The following MAP7 variants were observed in gnomAD, a reference collection of about 807,000 sequenced individuals.
MAP7 encodes the protein ensconsin.
In MAP7, 52 loss-of-function variants were observed where a neutral mutation model predicts 94.8. That is an observed-to-expected ratio of 0.55 (90% CI 0.44 to 0.69). MAP7 has a LOEUF of 0.69. Among genes scored for constraint, MAP7 ranks in the 30% least tolerant of loss-of-function variants. The probability of loss-of-function intolerance (pLI) is 0.00; values close to 1 mark genes in which losing one functional copy is unlikely to be tolerated. For missense variants in MAP7, 940 were observed against 964.6 expected, an observed-to-expected ratio of 0.97 and a Z score of 0.34; for synonymous variants, 350 against 357.0, an observed-to-expected ratio of 0.98 and a Z score of 0.22.
chr6:136,415,506 A>G (rs1789087329), intron 2 of MAP7, among the ~76,000 whole-genome samples: 1 of 152,046 alleles, frequency 6.6e-6, no homozygotes, highest in African/African-American at 2.4e-5. Flanking sequence ...ACCCACACCA[A>G]CCCTGACAGC....
At chr6:136,374,434 C>T (rs1562326796) in intron 7 of MAP7, among the ~76,000 whole-genome samples, 3 of 152,154 alleles carry the variant, frequency 2.0e-5, no homozygotes, top group Non-Finnish European at 4.4e-5. Flanking sequence ...GATTAATAAC[C>T]GGGGGCAGAG....
At chr6:136,455,904 T>A (rs575559621) in intron 1 of MAP7, among the ~76,000 whole-genome samples, 1 of 152,276 alleles carries the variant, frequency 6.6e-6, no homozygotes, top group South Asian at 2.1e-4. Flanking sequence ...TCTAACTCAG[T>A]AGGGATATGA....
At chr6:136,414,451 C>A (rs1427594283) in intron 2 of MAP7, among the ~76,000 whole-genome samples, 2 of 151,654 alleles carry the variant, frequency 1.3e-5, no homozygotes, top group African/African-American at 2.4e-5. Context: ...CCCTCTCAGG[C>A]AATTTATTAA....
chr6:136,482,630 G>C (rs1325884076), intron 1 of MAP7, among the ~76,000 whole-genome samples: 1 of 151,634 alleles, frequency 6.6e-6, no homozygotes, highest in Non-Finnish European at 1.5e-5. Flanking sequence ...GCATGCATAT[G>C]TTCATCACAG....
chr6:136,497,072 T>C (rs924229529), intron 1 of MAP7, among the ~76,000 whole-genome samples: 4 of 152,052 alleles, frequency 2.6e-5, no homozygotes, highest in Admixed American at 2.6e-4. Context: ...AGTTTCAACC[T>C]GAGCTGCCAG....
At chr6:136,549,743 G>A (rs552215235) in intron 1 of MAP7, among the ~76,000 whole-genome samples, 12 of 152,308 alleles carry the variant, frequency 7.9e-5, no homozygotes, top group African/African-American at 2.9e-4. Context: ...AACCCCCACC[G>A]TGCTGCACTG....
intron 1 of MAP7, among the ~76,000 whole-genome samples, chr6:136,523,719 A>G (rs1583139678): frequency 6.6e-6 from 1 of 152,114 alleles, no homozygotes; most frequent in African/African-American, 2.4e-5. Flanking sequence ...TCCAATACCT[A>G]CCCTTGCCCT....
In MAP7 at chr6:136,474,205, T is replaced by C. The variant is rs184908059; in HGVS notation, c.68-52406A>G. Among the ~76,000 whole-genome samples the C allele has an allele frequency of 4.0e-3, 606 of 152,304 alleles. 4 individuals carry two copies. Among genetic ancestry groups the C allele is most frequent in the African/African-American group, 0.014 (583 of 41,572 alleles). On this transcript the variant is annotated intron_variant, in intron 1 of 17. Coordinates refer to ENST00000354570, the MANE Select transcript of MAP7 (RefSeq NM_003980.6). Reference sequence around the variant, plus strand: ...GTGAGAAAGAACAAATGCAGGGAATTGTAGTTCATATTAAAAATTTTATAT... The same window carrying C: ...GTGAGAAAGAACAAATGCAGGGAATCGTAGTTCATATTAAAAATTTTATAT...
intron 1 of MAP7, among the ~76,000 whole-genome samples, chr6:136,424,343 A>G (rs1792473041): frequency 7.0e-6 from 1 of 142,084 alleles, no homozygotes. Context: ...AAAAAAAAAA[A>G]GAAAATTAAG....
chr6:136,408,194 T>C (rs1474763863), intron 3 of MAP7, among the ~76,000 whole-genome samples: 1 of 152,080 alleles, frequency 6.6e-6, no homozygotes, highest in Non-Finnish European at 1.5e-5. Flanking sequence ...TCAGATGGAA[T>C]AGGGTGGTTA....
chr6:136,469,979 T>A (rs946044909), intron 1 of MAP7, among the ~76,000 whole-genome samples: 4 of 152,208 alleles, frequency 2.6e-5, no homozygotes, highest in African/African-American at 9.6e-5. Context: ...GTTCACTGCC[T>A]ACCTGCTTTC....
intron 16 of MAP7, among the ~76,000 whole-genome samples, chr6:136,349,722 T>G (rs919322799): frequency 1.3e-5 from 2 of 152,156 alleles, no homozygotes; most frequent in Non-Finnish European, 2.9e-5. Flanking sequence ...TTGTGATAAC[T>G]CAAACCCTCT....
intron 4 of MAP7, 113 bp downstream of exon 4, chr6:136,389,241 A>G: frequency 1.4e-6 from 2 of 1,439,058 alleles, no homozygotes; most frequent in Non-Finnish European, 1.8e-6. Flanking sequence ...AAAGCTGATC[A>G]CTCTGAAACC....
chr6:136,442,011 TCAA>T (rs1317440859), intron 1 of MAP7, among the ~76,000 whole-genome samples: 1 of 151,970 alleles, frequency 6.6e-6, no homozygotes, highest in Admixed American at 6.5e-5. Context: ...AGACCCTGTC[TCAA>T]CAACAACAAC....
In MAP7 at chr6:136,381,335, C is replaced by T. The variant is rs542302453; in HGVS notation, c.637+2336G>A. ...CTAGGACTACAGGTGCACACCATCA[C>T]GCTTGGCTAATTTTTGTATTTTTAG... On this transcript the variant is annotated intron_variant, in intron 6 of 17. Coordinates refer to ENST00000354570, the MANE Select transcript of MAP7 (RefSeq NM_003980.6). Among the ~76,000 whole-genome samples the T allele has an allele frequency of 9.6e-4, 146 of 151,912 alleles. 7 individuals are homozygous for T. The highest frequency in any genetic ancestry group is 2.1e-4 in the Non-Finnish European group (14 of 67,972).
At chr6:136,483,755 A>G (rs1813693011) in intron 1 of MAP7, among the ~76,000 whole-genome samples, 1 of 152,222 alleles carries the variant, frequency 6.6e-6, no homozygotes, top group South Asian at 2.1e-4. Flanking sequence ...TAAACTTCTT[A>G]CCTACTCCCT....
intron 1 of MAP7, among the ~76,000 whole-genome samples, chr6:136,497,188 A>C (rs1818508978): frequency 6.6e-6 from 1 of 151,968 alleles, no homozygotes; most frequent in Non-Finnish European, 1.5e-5. Context: ...CCAACTCCCA[A>C]AAGGAAGGAA....
chr6:136,353,608 C>T (rs1789860900), intron 16 of MAP7, among the ~76,000 whole-genome samples: 1 of 152,094 alleles, frequency 6.6e-6, no homozygotes, highest in Non-Finnish European at 1.5e-5. Context: ...GGTTGGAGTG[C>T]AGAGTTCTGA....
At chr6:136,408,744 CTTAATA>C (rs760520265) in intron 3 of MAP7, among the ~76,000 whole-genome samples, 6 of 151,850 alleles carry the variant, frequency 4.0e-5, no homozygotes, top group Admixed American at 2.0e-4. Context: ...CAAAGATTTC[CTTAATA>C]TTAAGTGTCT....
Sources: gnomAD v4.1 joint callset for allele counts (sites outside exome capture counted in the v4.1 genomes callset) on GRCh38, gnomAD v4.1.1 for gene constraint, MANE v1.5 for transcripts, NCBI Gene and HGNC (gene_info 2026-07-23, HGNC 2026-07-21) for gene names.